Variants in CEP350 observed in about 807,000 individuals in gnomAD.
The protein encoded by CEP350 is centrosomal protein 350.
A neutral mutation model predicts 331.8 loss-of-function variants in CEP350; 126 were observed. That is an observed-to-expected ratio of 0.38 (90% CI 0.33 to 0.44). The LOEUF (loss-of-function observed/expected upper bound fraction) is 0.44. CEP350 is among the 20% of genes least tolerant of loss of function. The pLI, the probability that CEP350 is intolerant of heterozygous loss-of-function variation, is 1.00. For missense variants in CEP350, 3,406 were observed against 3,634.6 expected (o/e 0.94, Z 1.62); for synonymous variants, 1,200 against 1,259.5 (o/e 0.95, Z 1.00).
At chr1:180,058,679 G>C (rs941116167) in intron 25 of CEP350, among the ~76,000 whole-genome samples, 14 of 152,116 alleles carry the variant, frequency 9.2e-5, no homozygotes, top group Non-Finnish European at 2.9e-5. Context: ...CAGTCGTAGG[G>C]ATATGAGTGA....
chr1:180,096,306 C>A, intron 36 of CEP350, 122 bp downstream of exon 36: 2 of 1,035,146 alleles, frequency 1.9e-6, no homozygotes, highest in Non-Finnish European at 2.7e-6. Context: ...AGGACCTGTT[C>A]CATAGTGGGT....
At chr1:179,990,737 T>G (rs1187295127) in intron 4 of CEP350, 116 bp downstream of exon 4, 12 of 525,912 alleles carry the variant, frequency 2.3e-5, no homozygotes, top group Non-Finnish European at 3.6e-5. Context: ...TTTTATCTTT[T>G]GTAGAGACGA....
intron 14 of CEP350, among the ~76,000 whole-genome samples, chr1:180,028,913 AT>A (rs1655842235): frequency 6.6e-6 from 1 of 152,212 alleles, no homozygotes; most frequent in Non-Finnish European, 1.5e-5. Flanking sequence ...TATAGGTAGC[AT>A]TTTGTGGCTT....
intron 37 of CEP350, among the ~76,000 whole-genome samples, chr1:180,105,854 G>A (rs1661112453): frequency 6.6e-6 from 1 of 152,120 alleles, no homozygotes; most frequent in Non-Finnish European, 1.5e-5. Context: ...TGTTGCTTGG[G>A]CTGAGGATGT....
At chr1:179,971,832 A>G (rs1651477098) in intron 1 of CEP350, among the ~76,000 whole-genome samples, 1 of 152,198 alleles carries the variant, frequency 6.6e-6, no homozygotes, top group Non-Finnish European at 1.5e-5. Context: ...TCATAAGAGA[A>G]TGAGAATAAA....
chr1:179,961,878 C>T (rs141591230), intron 1 of CEP350, among the ~76,000 whole-genome samples: 306 of 152,152 alleles, frequency 2.0e-3, no homozygotes, highest in African/African-American at 6.9e-3. Flanking sequence ...GAGATGGAGT[C>T]TCTGTCACCC....
chr1:180,022,717 C>A lies in CEP350; in HGVS notation c.3255C>A (p.Asp1085Glu). 1.2e-6 allele frequency: 2 copies of A among 1,612,276 alleles called. No individual in the cohort carries two copies. Among genetic ancestry groups the A allele is most frequent in the Non-Finnish European group, 1.7e-6 (2 of 1,179,088 alleles). Residue 1085 changes from aspartate to glutamate, a missense_variant, in exon 13 of 38, where the codon GAC becomes GAA. Physicochemically the swap from Asp to Glu is conservative, Grantham distance 45 (BLOSUM62 2). Transcript: ENST00000367607. ...TGTCAGGGTTTGAAGACAAGTTGGA[C>A]AGAGGAACATCAACATCACGGCCTT... ...LYGKGFEDKL[D>E]RGTSTSRPLN...
chr1:180,050,156 C>T lies in CEP350; in HGVS notation c.4792+1451C>T, dbSNP rs144513680. 4.4e-3 allele frequency among the ~76,000 whole-genome samples: 667 copies of T among 152,196 alleles called. 5 individuals are homozygous for T. The highest frequency in any genetic ancestry group is 0.015 in the African/African-American group (634 of 41,516). On this transcript the variant is annotated intron_variant, in intron 22 of 37. Transcript: ENST00000367607. The stretch of plus-strand genomic sequence containing the variant: ...AGAAAACATAAATCTAGGTGACGTT[C>T]GGTTTCATGATGACTTCTTAGGTAC...
intron 33 of CEP350, among the ~76,000 whole-genome samples, 200 bp from the exon 34 acceptor site, chr1:180,092,414 T>C (rs1374578943): frequency 1.3e-5 from 2 of 152,240 alleles, no homozygotes; most frequent in East Asian, 3.8e-4. Context: ...TTCCAAACTT[T>C]AGAATTTTCA....
Position 180,093,847 on chromosome 1 carries a change from A to C in CEP350, c.7742A>C (p.Asp2581Ala). ...DDYVDINEDE[D>A]CYSDERYQCY... ...TATGTAGACATTAATGAAGATGAAG[A>C]CTGTTACTCAGATGAACGATATCAG... Residue 2581 changes from aspartate to alanine, a missense_variant, in exon 34 of 38, where the codon GAC (aspartate) becomes GCC (alanine). Around this residue, in one of 5 missense-constraint regions of CEP350, gnomAD observed 1,415 missense variants for 1,512.3 expected, o/e 0.94. Coordinates refer to ENST00000367607, the MANE Select transcript of CEP350 (RefSeq NM_014810.5). The C allele has an allele frequency of 6.2e-7, 1 of 1,613,952 alleles. No homozygotes were observed. Among genetic ancestry groups the C allele is most frequent in the South Asian group, 1.1e-5 (1 of 91,074 alleles).
At position 180,051,361 on chromosome 1, in the gene CEP350, A is replaced by C. The variant is rs541267538; in HGVS notation, c.4793-1609A>C. On this transcript the variant is annotated intron_variant, in intron 22 of 37. Coordinates refer to ENST00000367607, the MANE Select transcript of CEP350 (RefSeq NM_014810.5). ...AAAAGCAGGCCCCAAAAGTCTGTGT[A>C]TTATAATATGATTCAATTTATATGA... Among the ~76,000 whole-genome samples, 3 of 152,348 alleles carry C rather than the reference A, an allele frequency of 2.0e-5. No homozygotes were observed. In the East Asian group the frequency reaches 5.8e-4, roughly 29 times the overall value.
intron 1 of CEP350, among the ~76,000 whole-genome samples, chr1:179,957,735 G>C (rs1650273084): frequency 6.6e-6 from 1 of 152,080 alleles, no homozygotes; most frequent in African/African-American, 2.4e-5. Flanking sequence ...TGACAGCCTG[G>C]GATTAAAAAG....
At chr1:180,050,814 G>A (rs532402367) in intron 22 of CEP350, among the ~76,000 whole-genome samples, 15 of 151,850 alleles carry the variant, frequency 9.9e-5, no homozygotes, top group African/African-American at 2.9e-4. Flanking sequence ...CTTCAACATC[G>A]TATATCATTA....
chr1:180,075,164 T>C lies in CEP350; in HGVS notation c.5710T>C (p.Leu1904=). The C allele has an allele frequency of 1.2e-6, 2 of 1,613,530 alleles. No homozygotes were observed. Among genetic ancestry groups the C allele is most frequent in the Non-Finnish European group, 1.7e-6 (2 of 1,179,706 alleles). The change falls in exon 28 of 38, where the codon TTA becomes CTA. Residue 1904 remains leucine, a synonymous_variant. Transcript: ENST00000367607. ...KQALAAWDKE[L]IKPKTPKKEL... ...AGCTTTGGCTGCCTGGGACAAAGAATTAATAAAACCCAAAACTCCTAAGAA... is the reference window on the plus strand; with the variant it reads ...AGCTTTGGCTGCCTGGGACAAAGAACTAATAAAACCCAAAACTCCTAAGAA...
intron 15 of CEP350, 140 bp from the exon 16 acceptor site, chr1:180,033,722 T>C: frequency 1.3e-6 from 1 of 787,394 alleles, no homozygotes; most frequent in Non-Finnish European, 2.0e-6. Context: ...ATAGTGATTA[T>C]ATTAATGAAT....
chr1:179,958,456 A>G (rs1216498933), intron 1 of CEP350, among the ~76,000 whole-genome samples: 1 of 152,236 alleles, frequency 6.6e-6, no homozygotes, highest in Non-Finnish European at 1.5e-5. Context: ...TGGTAGGCTA[A>G]TAGTTAAAAG....
At chr1:179,970,150 T>C (rs545692479) in intron 1 of CEP350, among the ~76,000 whole-genome samples, 1 of 152,330 alleles carries the variant, frequency 6.6e-6, no homozygotes, top group African/African-American at 2.4e-5. Context: ...TTTAGCTCTT[T>C]ATTTCATCAG....
chr1:179,999,919 A>T (rs1309558940), intron 6 of CEP350, among the ~76,000 whole-genome samples: 1 of 152,132 alleles, frequency 6.6e-6, no homozygotes, highest in Non-Finnish European at 1.5e-5. Flanking sequence ...TGTTTATATG[A>T]TTCTTTCTTG....
At position 179,989,722 on chromosome 1, in the gene CEP350, A is replaced by G. The variant is rs541125496; in HGVS notation, c.121-785A>G. ...AGTGTGTATGTGAAACCTGAATTCT[A>G]TCTTGCGAATTTTGTCTTTATTGTG... On this transcript the variant is annotated intron_variant, in intron 3 of 37. Coordinates refer to ENST00000367607, the MANE Select transcript of CEP350 (RefSeq NM_014810.5). Among the ~76,000 whole-genome samples, 6 of 152,260 alleles carry G rather than the reference A, an allele frequency of 3.9e-5. No homozygotes were observed. The South Asian group carries it at 1.0e-3, about 26-fold the overall frequency.
Sources: gnomAD v4.1 joint callset for allele counts (sites outside exome capture counted in the v4.1 genomes callset) on GRCh38, gnomAD v4.1.1 for gene constraint, gnomAD v4.1.1 regional missense constraint, MANE v1.5 for transcripts, NCBI Gene and HGNC (gene_info 2026-07-23, HGNC 2026-07-21) for gene names.